The following FGFR2 variants were observed in gnomAD, a reference collection of about 807,000 sequenced individuals.
FGFR2 encodes fibroblast growth factor receptor 2.
FGFR2 carries 19 observed loss-of-function variants against 95.9 expected under a neutral mutation model. That is an observed-to-expected ratio of 0.20 (90% CI 0.14 to 0.29). FGFR2 has a LOEUF of 0.29. Among genes scored for constraint, FGFR2 ranks in the 10% least tolerant of loss-of-function variants. FGFR2 has a pLI of 1.00. For synonymous variants in FGFR2, 392 were observed against 393.3 expected (o/e 1.00, Z 0.04); for missense variants, 707 against 1,056.9 (o/e 0.67, Z 4.59).
chr10:121,565,612 C>G lies in FGFR2; in HGVS notation c.202G>C (p.Ala68Pro), dbSNP rs374996878. The G allele has an allele frequency of 1.2e-6, 2 of 1,614,220 alleles. No homozygotes were observed. Among genetic ancestry groups the G allele is most frequent in the Non-Finnish European group, 1.7e-6 (2 of 1,180,048 alleles). Residue 68 changes from alanine to proline, a missense_variant, in exon 3 of 18, where the codon GCC (alanine) becomes CCC (proline). Physicochemically the swap from Ala to Pro is conservative, Grantham distance 27 (BLOSUM62 -1). This residue lies in a region of FGFR2 where 178 missense variants were observed against 194.1 expected (regional missense o/e 0.92). Transcript: ENST00000358487. ...LEVRCLLKDA[A>P]VISWTKDGVH... The stretch of plus-strand genomic sequence containing the variant: ...CCATCCTTAGTCCAACTGATCACGG[C>G]GGCATCTTTCAACAGGCAGCGCACC...
At position 121,487,863 on chromosome 10, in the gene FGFR2, C is replaced by T. The variant is rs892234707; in HGVS notation, c.1986+128G>A. 14 of 1,164,422 alleles carry T rather than the reference C, an allele frequency of 1.2e-5. No individual in the cohort carries two copies. In the East Asian group the frequency reaches 2.1e-4, roughly 18 times the overall value. 72.1% of individuals were successfully genotyped at this position (1,164,422 alleles called of 1,614,324 possible). A position where few individuals can be genotyped will look rare whatever the true frequency, so the allele number is the denominator to read the frequency against. Reference sequence around the variant, plus strand: ...GTTTGTGAATAGTAAGTCAAAAGAACGGGAATCGGGGCAGGGGAATGGGTC... The same window carrying T: ...GTTTGTGAATAGTAAGTCAAAAGAATGGGAATCGGGGCAGGGGAATGGGTC... On this transcript the variant is annotated intron_variant, in intron 14 of 17. Transcript: ENST00000358487.
intron 6 of FGFR2, chr10:121,526,311 A>T (rs1851358647): frequency 5.0e-6 from 2 of 397,714 alleles, no homozygotes; most frequent in Non-Finnish European, 8.9e-6. Context: ...CTTTTGTTGC[A>T]TAAAAACGCA....
chr10:121,487,057 C>A (rs558383883), intron 15 of FGFR2, among the ~76,000 whole-genome samples: 2 of 152,148 alleles, frequency 1.3e-5, no homozygotes, highest in Non-Finnish European at 2.9e-5. Flanking sequence ...AAGAGCTTGG[C>A]GAATTAGATA....
At chr10:121,569,058 G>A (rs1201140295) in intron 2 of FGFR2, among the ~76,000 whole-genome samples, 1 of 152,108 alleles carries the variant, frequency 6.6e-6, no homozygotes, top group African/African-American at 2.4e-5. Flanking sequence ...ATGAGCCAAC[G>A]AAGATGAACC....
intron 5 of FGFR2, among the ~76,000 whole-genome samples, chr10:121,545,738 G>A (rs920770033): frequency 6.6e-6 from 1 of 152,170 alleles, no homozygotes; most frequent in African/African-American, 2.4e-5. Flanking sequence ...TGACATCTAA[G>A]TAACTAACCT....
Position 121,485,228 on chromosome 10 carries a change from G to A in FGFR2, c.2195+167C>T, listed in dbSNP as rs1298719913. ...TTCTCTCAGACAAGTAATGGTTGTCGGTGTCGCTATGTATCCCAGCTCTGG... is the reference window on the plus strand; with the variant it reads ...TTCTCTCAGACAAGTAATGGTTGTCAGTGTCGCTATGTATCCCAGCTCTGG... On this transcript the variant is annotated intron_variant, in intron 16 of 17. Coordinates refer to ENST00000358487, the MANE Select transcript of FGFR2 (RefSeq NM_000141.5). This position sits in a 1 kb window ranked among gnomAD's most constrained non-coding sequence, Gnocchi z 4.2. Among the ~76,000 whole-genome samples, 1 of 152,022 alleles carries A rather than the reference G, an allele frequency of 6.6e-6. No individual in the cohort carries two copies. The highest frequency in any genetic ancestry group is 1.5e-5 in the Non-Finnish European group (1 of 68,012).
chr10:121,544,975 T>C (rs759119644), intron 5 of FGFR2, among the ~76,000 whole-genome samples: 5 of 152,150 alleles, frequency 3.3e-5, no homozygotes, highest in Non-Finnish European at 7.3e-5. Context: ...AGACCCCGTC[T>C]CTACAAAAAA....
At chr10:121,558,610 G>GTTT (rs1212018020) in intron 4 of FGFR2, among the ~76,000 whole-genome samples, 2 of 139,412 alleles carry the variant, frequency 1.4e-5, no homozygotes, top group Non-Finnish European at 3.1e-5. Context: ...ACAGTTTTTT[G>GTTT]TTTTTTTTTT....
At chr10:121,488,442 G>A (rs1845708291) in intron 13 of FGFR2, among the ~76,000 whole-genome samples, 1 of 151,138 alleles carries the variant, frequency 6.6e-6, no homozygotes, top group Non-Finnish European at 1.5e-5. Flanking sequence ...TCAGGAGGCT[G>A]AGGCACAAGA....
At chr10:121,540,118 TA>T (rs1191499819) in intron 5 of FGFR2, among the ~76,000 whole-genome samples, 40 of 152,288 alleles carry the variant, frequency 2.6e-4, no homozygotes, top group African/African-American at 9.6e-4. Context: ...CCTTCCTCCT[TA>T]ACAGAGTACA....
chr10:121,577,178 T>TATATAGAGAGAGAGAG lies in FGFR2; in HGVS notation c.110-11475_110-11474insCTCTCTCTCTCTATAT. On this transcript the variant is annotated intron_variant, in intron 2 of 17. Transcript: ENST00000358487. ...AAAAAAATATATATATATATATATA[T>TATATAGAGAGAGAGAG]AGAGAGAGAGAGAGAGAGAGAGAGA... is the stretch of plus-strand genomic sequence containing the variant. Among the ~76,000 whole-genome samples the TATATAGAGAGAGAGAG allele has an allele frequency of 6.1e-3, 32 of 5,210 alleles. 1 individual carries two copies. The highest frequency in any genetic ancestry group is 0.012 in the African/African-American group (15 of 1,282). 3.4% of individuals were successfully genotyped at this position (5,210 alleles called of 152,430 possible).
chr10:121,557,814 T>C (rs1856372094), intron 4 of FGFR2, among the ~76,000 whole-genome samples: 1 of 152,162 alleles, frequency 6.6e-6, no homozygotes, highest in Non-Finnish European at 1.5e-5. Context: ...TGAACTGTTA[T>C]CGGCAGGTTA....
At chr10:121,516,797 A>G (rs974509407) in intron 8 of FGFR2, among the ~76,000 whole-genome samples, 4 of 152,212 alleles carry the variant, frequency 2.6e-5, no homozygotes, top group African/African-American at 9.6e-5. Flanking sequence ...CTATCGCAAC[A>G]TGCAGCAAGC....
At chr10:121,483,298 T>C (rs1326920118) in intron 17 of FGFR2, among the ~76,000 whole-genome samples, 4 of 152,206 alleles carry the variant, frequency 2.6e-5, no homozygotes, top group African/African-American at 9.6e-5. Context: ...AAGCAAATGA[T>C]GACGAACATT....
chr10:121,578,484 G>A (rs1053349928), intron 2 of FGFR2, among the ~76,000 whole-genome samples: 1 of 152,222 alleles, frequency 6.6e-6, no homozygotes, highest in Admixed American at 6.5e-5. Context: ...GACAGTCTGC[G>A]TCCCCAGCCC....
At chr10:121,536,289 T>C (rs1445617139) in intron 6 of FGFR2, among the ~76,000 whole-genome samples, 1 of 152,232 alleles carries the variant, frequency 6.6e-6, no homozygotes, top group Non-Finnish European at 1.5e-5. Flanking sequence ...CACACTTCCA[T>C]CTTTACTGAA....
At position 121,479,306 on chromosome 10, in the gene FGFR2, A is replaced by G. The variant is rs1054893186; in HGVS notation, c.*551T>C. 4 of 257,074 alleles carry G rather than the reference A, an allele frequency of 1.6e-5. No individual in the cohort carries two copies. The allele number at this position is 257,074 out of a possible 1,614,324, so 15.9% of individuals were successfully genotyped here. On this transcript the variant is annotated 3_prime_UTR_variant, in exon 18 of 18. Coordinates refer to ENST00000358487, the MANE Select transcript of FGFR2 (RefSeq NM_000141.5). ...GTATTTTTCCACCTCTGCTCGGTGA[A>G]AATTAAGAAATTATGTGTAAGAACA...
chr10:121,524,967 T>C (rs1851162735), intron 6 of FGFR2, among the ~76,000 whole-genome samples: 1 of 152,228 alleles, frequency 6.6e-6, no homozygotes, highest in Non-Finnish European at 1.5e-5. Flanking sequence ...TCTCTTCTTC[T>C]ATGTGATAAC....
intron 2 of FGFR2, among the ~76,000 whole-genome samples, chr10:121,590,702 A>T (rs2981584): frequency 6.6e-6 from 1 of 151,978 alleles, no homozygotes; most frequent in Non-Finnish European, 1.5e-5. Context: ...CACAAAGCCA[A>T]GATGACTAAA....
Sources: gnomAD v4.1 joint callset for allele counts (sites outside exome capture counted in the v4.1 genomes callset) on GRCh38, gnomAD v4.1.1 for gene constraint, gnomAD v4.1.1 regional missense constraint, Gnocchi (gnomAD v3.1) non-coding constraint, MANE v1.5 for transcripts, NCBI Gene and HGNC (gene_info 2026-07-23, HGNC 2026-07-21) for gene names.